The following GAREM1 variants were observed in gnomAD, a reference collection of about 807,000 sequenced individuals.
The protein encoded by GAREM1 is GRB2-associated and regulator of MAPK protein 1.
Under a neutral mutation model 71.3 loss-of-function variants are expected in GAREM1, and 26 were observed. The ratio of observed to expected loss-of-function variants is 0.36; its 90% CI spans 0.27 to 0.51. The LOEUF (loss-of-function observed/expected upper bound fraction) is 0.51, where lower values mean the gene tolerates loss of function less well. Among genes scored for constraint, GAREM1 ranks in the 20% least tolerant of loss-of-function variants. The pLI is 0.95. For missense variants in GAREM1, 1,026 were observed against 1,103.1 expected (o/e 0.93, Z 0.99); for synonymous variants, 440 against 433.2 (o/e 1.02, Z -0.20).
intron 1 of GAREM1, among the ~76,000 whole-genome samples, chr18:32,455,801 G>A (rs747748792): frequency 1.3e-5 from 2 of 152,078 alleles, no homozygotes; most frequent in Non-Finnish European, 2.9e-5. Context: ...ATTGTTTTCC[G>A]ATTTCATTAA....
At chr18:32,374,574 A>C (rs747609565) in intron 2 of GAREM1, among the ~76,000 whole-genome samples, 3 of 152,236 alleles carry the variant, frequency 2.0e-5, no homozygotes, top group Non-Finnish European at 4.4e-5. Flanking sequence ...GTACCTCTGG[A>C]GAAGTATGTA....
intron 3 of GAREM1, among the ~76,000 whole-genome samples, chr18:32,289,617 C>CA (rs2047059747): frequency 6.6e-6 from 1 of 151,990 alleles, no homozygotes; most frequent in Non-Finnish European, 1.5e-5. Context: ...TTTGTGATTT[C>CA]ATTCTTGGGT....
intron 1 of GAREM1, among the ~76,000 whole-genome samples, chr18:32,439,185 G>A (rs1357339160): frequency 6.6e-6 from 1 of 152,124 alleles, no homozygotes; most frequent in Non-Finnish European, 1.5e-5. Flanking sequence ...AAGGCTTGCT[G>A]GGCACTGAAA....
intron 2 of GAREM1, among the ~76,000 whole-genome samples, chr18:32,332,957 G>A (rs1184205810): frequency 6.6e-6 from 1 of 151,928 alleles, no homozygotes. Context: ...ATAGACACAG[G>A]AGAGGAGAGG....
At chr18:32,443,390 T>C (rs553555042) in intron 1 of GAREM1, among the ~76,000 whole-genome samples, 1 of 152,162 alleles carries the variant, frequency 6.6e-6, no homozygotes, top group Non-Finnish European at 1.5e-5. Context: ...AAAACATTTA[T>C]CTGATAAAGA....
chr18:32,304,458 C>T (rs2047230719), intron 3 of GAREM1, among the ~76,000 whole-genome samples: 1 of 152,094 alleles, frequency 6.6e-6, no homozygotes, highest in Non-Finnish European at 1.5e-5. Context: ...CCTTATCTTA[C>T]AGGTCAAGAT....
At chr18:32,377,551 G>C (rs538557957) in intron 2 of GAREM1, among the ~76,000 whole-genome samples, 5 of 152,034 alleles carry the variant, frequency 3.3e-5, no homozygotes, top group Non-Finnish European at 5.9e-5. Flanking sequence ...CCAGAACCAG[G>C]ATAAAAAAGA....
intron 2 of GAREM1, among the ~76,000 whole-genome samples, chr18:32,368,768 C>T (rs573301357): frequency 1.8e-4 from 28 of 152,292 alleles, no homozygotes; most frequent in Non-Finnish European, 3.5e-4. Context: ...CTCTCACACA[C>T]GCAACATGAA....
At chr18:32,457,222 A>AGTGTGTGTGTGT (rs547348755) in intron 1 of GAREM1, among the ~76,000 whole-genome samples, 3 of 84,238 alleles carry the variant, frequency 3.6e-5, no homozygotes, top group Non-Finnish European at 7.7e-5. Context: ...AGAGAGAGAG[A>AGTGTGTGTGTGT]GAGAGTGTGT....
intron 2 of GAREM1, among the ~76,000 whole-genome samples, chr18:32,313,334 G>C (rs1447042903): frequency 6.6e-6 from 1 of 152,156 alleles, no homozygotes; most frequent in Non-Finnish European, 1.5e-5. Flanking sequence ...ATGGAATTGA[G>C]TTTTGAACCC....
At chr18:32,304,761 A>G (rs1301680115) in intron 3 of GAREM1, among the ~76,000 whole-genome samples, 1 of 152,218 alleles carries the variant, frequency 6.6e-6, no homozygotes, top group East Asian at 1.9e-4. Context: ...GCCCATGGTC[A>G]GAGTCAATGC....
intron 2 of GAREM1, among the ~76,000 whole-genome samples, chr18:32,380,213 C>T (rs1444072351): frequency 1.3e-5 from 2 of 152,058 alleles, no homozygotes; most frequent in East Asian, 1.9e-4. Flanking sequence ...CAGTGGCTCA[C>T]GCCTGTAATC....
rs780093390 is a variant in GAREM1 at position 32,268,041 on chromosome 18, G to A, written c.2461C>T (p.Arg821Trp). The stretch of plus-strand genomic sequence containing the variant: ...ACATCTTCGGACAAACCAATGAACC[G>A]TAGTGACTTGGACACTTCCTCTATA... ...LSIEEVSKSL[R>W]FIGLSEDVIS... The change falls in exon 6 of 6, where the codon CGG becomes TGG. Residue 821 changes from arginine to tryptophan, a missense_variant. By Grantham distance (101) the Arg-to-Trp change is moderately radical. Transcript: ENST00000269209. The A allele has an allele frequency of 9.3e-6, 15 of 1,613,906 alleles. No homozygotes were observed. Among genetic ancestry groups the A allele is most frequent in the East Asian group, 2.2e-5 (1 of 44,884 alleles).
rs750510616 is a variant in GAREM1, at chr18:32,287,705, G to A, written c.892C>T (p.Pro298Ser). The A allele has an allele frequency of 6.2e-7, 1 of 1,614,166 alleles. No individual in the cohort carries two copies. The highest frequency in any genetic ancestry group is 1.1e-5 in the South Asian group (1 of 91,082). The change falls in exon 4 of 6, where the codon CCT (proline) becomes TCT (serine). Residue 298 changes from proline (P) to serine (S), a missense_variant. Pro to Ser is a moderately conservative substitution (Grantham distance 74). This residue lies in a region of GAREM1 where 218 missense variants were observed against 296.8 expected (regional missense o/e 0.73). Transcript: ENST00000269209. This position sits in a 1 kb window ranked among gnomAD's most constrained non-coding sequence, Gnocchi z 5.9. ...AACTTGGGGACAGTCAAGTGCAAAG[G>A]AAAGTGCATGGGGAGGATCTTGTTG... ...RNNKILPMHF[P>S]LHLTVPKFSL...
intron 3 of GAREM1, among the ~76,000 whole-genome samples, chr18:32,309,175 G>A (rs2047288247): frequency 6.7e-6 from 1 of 150,088 alleles, no homozygotes; most frequent in Non-Finnish European, 1.5e-5. Flanking sequence ...GTAATTATGA[G>A]TATTGCTGGA....
intron 2 of GAREM1, among the ~76,000 whole-genome samples, chr18:32,316,848 T>C (rs1174690492): frequency 6.6e-6 from 1 of 152,182 alleles, no homozygotes; most frequent in Non-Finnish European, 1.5e-5. Context: ...TAGGTCACAA[T>C]ACACATGCAA....
intron 3 of GAREM1, among the ~76,000 whole-genome samples, chr18:32,309,201 T>A (rs1181141982): frequency 1.3e-5 from 2 of 149,930 alleles, no homozygotes; most frequent in South Asian, 4.3e-4. Flanking sequence ...TGTGGAAGAT[T>A]TGCAGGCAAT....
chr18:32,443,022 G>A (rs2048754064), intron 1 of GAREM1, among the ~76,000 whole-genome samples: 1 of 152,102 alleles, frequency 6.6e-6, no homozygotes, highest in African/African-American at 2.4e-5. Context: ...TGAAATGGGT[G>A]TTTTTCTTAA....
At chr18:32,334,884 T>C (rs2047573919) in intron 2 of GAREM1, among the ~76,000 whole-genome samples, 1 of 151,652 alleles carries the variant, frequency 6.6e-6, no homozygotes, top group Non-Finnish European at 1.5e-5. Flanking sequence ...CTCAGGAGAG[T>C]TGACAAAAAT....
Sources: gnomAD v4.1 joint callset for allele counts (sites outside exome capture counted in the v4.1 genomes callset) on GRCh38, gnomAD v4.1.1 for gene constraint, gnomAD v4.1.1 regional missense constraint, Gnocchi (gnomAD v3.1) non-coding constraint, MANE v1.5 for transcripts, NCBI Gene and HGNC (gene_info 2026-07-23, HGNC 2026-07-21) for gene names.